NTM: variants seen among roughly 807,000 people sequenced by gnomAD.
NTM encodes IgLON family member 2.
NTM carries 13 observed loss-of-function variants against 42.1 expected under a neutral mutation model. That is an observed-to-expected ratio of 0.31 (90% confidence interval 0.20 to 0.49). The LOEUF (loss-of-function observed/expected upper bound fraction) is 0.49, where lower values mean the gene tolerates loss of function less well. Ranked by LOEUF, NTM falls within the 20% of genes least tolerant of loss-of-function variation. The pLI is 0.99. For synonymous variants in NTM, 187 were observed against 179.2 expected, an observed-to-expected ratio of 1.04 and a Z score of -0.35; for missense variants, 373 against 452.8, an observed-to-expected ratio of 0.82 and a Z score of 1.60.
chr11:131,712,054 G>C (rs954292797), intron 1 of NTM, among the ~76,000 whole-genome samples: 1 of 149,548 alleles, frequency 6.7e-6, no homozygotes, highest in Non-Finnish European at 1.5e-5. Context: ...AACGGGTGCA[G>C]CACACCAGCA....
chr11:131,897,630 A>G (rs2052511160), intron 1 of NTM, among the ~76,000 whole-genome samples: 1 of 152,234 alleles, frequency 6.6e-6, no homozygotes, highest in Non-Finnish European at 1.5e-5. Flanking sequence ...GAGTAGAGCA[A>G]ATATAAAGGT....
At chr11:131,507,347 G>A (rs1012765196) in intron 1 of NTM, among the ~76,000 whole-genome samples, 1 of 151,168 alleles carries the variant, frequency 6.6e-6, no homozygotes, top group Admixed American at 6.6e-5. Flanking sequence ...TCTCAGGTTT[G>A]TCAAAGATCA....
At position 132,310,094 on chromosome 11, in the gene NTM, G is replaced by C; in HGVS notation, c.662-18G>C. On this transcript the variant is annotated intron_variant, in intron 5 of 8. Coordinates refer to ENST00000683400, the MANE Select transcript of NTM (RefSeq NM_001352005.2). ...AAAAAAGGTGGGGGGGCGGCTATGA[G>C]ACATCTTCTTTTTGCAGATCCACCA... The C allele has an allele frequency of 6.4e-7, 1 of 1,563,406 alleles. No individual in the cohort carries two copies. Among genetic ancestry groups the C allele is most frequent in the Non-Finnish European group, 8.6e-7 (1 of 1,162,804 alleles).
chr11:131,495,229 A>T (rs11605496), intron 1 of NTM, among the ~76,000 whole-genome samples: 2 of 152,040 alleles, frequency 1.3e-5, no homozygotes, highest in Admixed American at 1.3e-4. Context: ...GGGGACAGCC[A>T]GCACAACCTG....
intron 1 of NTM, among the ~76,000 whole-genome samples, chr11:131,549,180 T>A (rs2136891673): frequency 6.6e-6 from 1 of 152,242 alleles, no homozygotes; most frequent in South Asian, 2.1e-4. Context: ...TTCTGGAATA[T>A]CCTCAGATCC....
At chr11:132,315,432 C>T (rs1868535) in intron 7 of NTM, among the ~76,000 whole-genome samples, 18,074 of 152,228 alleles carry the variant, frequency 0.12, 1,336 homozygotes, top group Non-Finnish European at 0.18. Context: ...TTGATGAACG[C>T]AGATTCTCCC....
intron 1 of NTM, among the ~76,000 whole-genome samples, chr11:131,625,287 C>G (rs1006842081): frequency 6.6e-6 from 1 of 152,128 alleles, no homozygotes; most frequent in Non-Finnish European, 1.5e-5. Flanking sequence ...CTGATAAGGT[C>G]CCCCCATGAT....
intron 4 of NTM, among the ~76,000 whole-genome samples, chr11:132,298,693 A>C (rs2140092888): frequency 6.6e-6 from 1 of 152,342 alleles, no homozygotes; most frequent in African/African-American, 2.4e-5. Context: ...GCTAATTATT[A>C]TTCCCAGATT....
rs148988462 is a variant in NTM, at chr11:132,078,777, A to T, written c.168-67505A>T. Among the ~76,000 whole-genome samples, 177 of 152,218 alleles carry T rather than the reference A, an allele frequency of 1.2e-3. 1 individual carries two copies. In the East Asian group the frequency reaches 0.022, roughly 19 times the overall value. On this transcript the variant is annotated intron_variant, in intron 2 of 8. Transcript: ENST00000683400. The stretch of plus-strand genomic sequence containing the variant: ...TATGTTTCTGGTTCTTTTACACTTA[A>T]CTCATCAAAATGTTGTTCTTTAAGA...
intron 2 of NTM, among the ~76,000 whole-genome samples, chr11:132,129,861 C>G (rs1374701951): frequency 6.6e-6 from 1 of 152,176 alleles, no homozygotes; most frequent in African/African-American, 2.4e-5. Flanking sequence ...CCCACTGTTT[C>G]CTCAATTCTC....
In NTM at chr11:131,835,409, T is replaced by C. The variant is rs891618583; in HGVS notation, c.83-76155T>C. Among the ~76,000 whole-genome samples, 4 of 151,848 alleles carry C rather than the reference T, an allele frequency of 2.6e-5. No individual in the cohort carries two copies. In the South Asian group the frequency reaches 8.3e-4, roughly 32 times the overall value. On this transcript the variant is annotated intron_variant, in intron 1 of 8. Transcript: ENST00000683400. ...ATAAACACCTCCTACAAATAAAAAATATAAAGACAGACATTCAACAGAAAT... is the reference window on the plus strand; with the variant it reads ...ATAAACACCTCCTACAAATAAAAAACATAAAGACAGACATTCAACAGAAAT...
chr11:131,908,531 G>T (rs2054197195), intron 1 of NTM, among the ~76,000 whole-genome samples: 1 of 152,216 alleles, frequency 6.6e-6, no homozygotes, highest in East Asian at 1.9e-4. Context: ...CTCAGAATGA[G>T]CCCCTCTCCT....
chr11:132,183,695 T>G (rs1453422065), intron 3 of NTM, among the ~76,000 whole-genome samples: 4 of 152,124 alleles, frequency 2.6e-5, no homozygotes, highest in Admixed American at 2.6e-4. Flanking sequence ...CATAGAAACT[T>G]TAGACTCACC....
At chr11:132,105,857 C>T (rs953237805) in intron 2 of NTM, among the ~76,000 whole-genome samples, 9 of 152,088 alleles carry the variant, frequency 5.9e-5, no homozygotes, top group South Asian at 2.1e-4. Flanking sequence ...GTTTCCATAT[C>T]GAGAAAGAGG....
chr11:132,320,954 C>A (rs542202504), intron 7 of NTM, among the ~76,000 whole-genome samples: 1 of 151,104 alleles, frequency 6.6e-6, no homozygotes, highest in Non-Finnish European at 1.5e-5. Context: ...AACAGACCTG[C>A]AGCTGAGGGT....
At chr11:131,495,125 A>C (rs318963) in intron 1 of NTM, among the ~76,000 whole-genome samples, 116,349 of 152,050 alleles carry the variant, frequency 0.77, 45,314 homozygotes, top group African/African-American at 0.91. Context: ...TGACATGGGC[A>C]GACTCTGAGC....
At position 131,957,098 on chromosome 11, in the gene NTM, T is replaced by TA. The variant is rs1402838815; in HGVS notation, c.167+45453dup. On this transcript the variant is annotated intron_variant, in intron 2 of 8. Transcript: ENST00000683400. ...AGGTTTATAGACCTCCAAGGTCATG[T>TA]AAACTACGAGGTGGCCATGCTAGAA... Among the ~76,000 whole-genome samples the TA allele has an allele frequency of 2.0e-5, 3 of 152,234 alleles. No individual in the cohort carries two copies. In the East Asian group the frequency reaches 5.8e-4, roughly 29 times the overall value.
At chr11:131,428,334 T>C (rs1432002948) in intron 1 of NTM, among the ~76,000 whole-genome samples, 1 of 152,218 alleles carries the variant, frequency 6.6e-6, no homozygotes, top group Non-Finnish European at 1.5e-5. Flanking sequence ...CAAAACTGCC[T>C]TTCCAGGCTG....
At chr11:132,238,699 A>T (rs1235807723) in intron 4 of NTM, among the ~76,000 whole-genome samples, 1 of 152,206 alleles carries the variant, frequency 6.6e-6, no homozygotes, top group Non-Finnish European at 1.5e-5. Context: ...ACACCAAGAA[A>T]CAGAGGAGCA....
Sources: gnomAD v4.1 joint callset for allele counts (sites outside exome capture counted in the v4.1 genomes callset) on GRCh38, gnomAD v4.1.1 for gene constraint, MANE v1.5 for transcripts, NCBI Gene and HGNC (gene_info 2026-07-23, HGNC 2026-07-21) for gene names.